RMC1: variants seen among roughly 807,000 people sequenced by gnomAD.
The protein encoded by RMC1 is regulator of MON1-CCZ1 complex.
In RMC1, 44 loss-of-function variants were observed where a neutral mutation model predicts 95.5. That is an observed-to-expected ratio of 0.46 (90% CI 0.36 to 0.59). RMC1 has a LOEUF of 0.59. Ranked by LOEUF, RMC1 falls within the 20% of genes least tolerant of loss-of-function variation. The probability of loss-of-function intolerance (pLI) is 0.00; values close to 1 mark genes in which losing one functional copy is unlikely to be tolerated. For missense variants in RMC1, 705 were observed against 819.6 expected (o/e 0.86, Z 1.71); for synonymous variants, 320 against 303.6 (o/e 1.05, Z -0.56).
chr18:23,526,806 G>C (rs1184592491), intron 13 of RMC1, 41 bp downstream of exon 13: 6 of 1,605,134 alleles, frequency 3.7e-6, no homozygotes, highest in Non-Finnish European at 5.1e-6. Flanking sequence ...TCCAGTGTGA[G>C]GCCTGTGCTG....
Position 23,527,776 on chromosome 18 carries a change from G to C in RMC1, c.1190-19G>C. On this transcript the variant is annotated intron_variant, in intron 13 of 19. Coordinates refer to ENST00000269221, the MANE Select transcript of RMC1 (RefSeq NM_013326.5). Reference sequence around the variant, plus strand: ...CATGAAGTTGGTTTGATCCGTGTGTGAACATTGTGCCTTTCCAGTGTTAAG... The same window carrying C: ...CATGAAGTTGGTTTGATCCGTGTGTCAACATTGTGCCTTTCCAGTGTTAAG... The C allele has an allele frequency of 6.2e-7, 1 of 1,602,940 alleles. No homozygotes were observed. Among genetic ancestry groups the C allele is most frequent in the Non-Finnish European group, 8.5e-7 (1 of 1,169,918 alleles).
chr18:23,508,355 C>T (rs531475417), intron 4 of RMC1, among the ~76,000 whole-genome samples: 2 of 152,304 alleles, frequency 1.3e-5, no homozygotes, highest in African/African-American at 4.8e-5. Flanking sequence ...ACATCTGGGT[C>T]TGGGCCCTGG....
At chr18:23,521,873 G>A (rs781377188) in intron 10 of RMC1, among the ~76,000 whole-genome samples, 5 of 152,098 alleles carry the variant, frequency 3.3e-5, no homozygotes, top group Non-Finnish European at 4.4e-5. Flanking sequence ...CCTGTCCCTC[G>A]CAGCAGTCTC....
chr18:23,513,729 A>T (rs1325857927), intron 5 of RMC1, among the ~76,000 whole-genome samples: 1 of 151,978 alleles, frequency 6.6e-6, no homozygotes, highest in African/African-American at 2.4e-5. Context: ...TTTGTTTTTG[A>T]TACTAGCCAT....
chr18:23,529,152 T>A (rs2058402768), intron 14 of RMC1, 27 bp from the exon 15 acceptor site: 1 of 1,603,644 alleles, frequency 6.2e-7, no homozygotes, highest in Non-Finnish European at 8.5e-7. Flanking sequence ...ATGCCGAAGA[T>A]CATAGTTTGT....
In RMC1 at chr18:23,503,704, A is replaced by G; in HGVS notation, c.86A>G (p.Asp29Gly). 6.3e-7 allele frequency: 1 copy of G among 1,591,238 alleles called. No homozygotes were observed. Among genetic ancestry groups the G allele is most frequent in the South Asian group, 1.1e-5 (1 of 89,316 alleles). ...AACCCTGTCAACTGCGTCTTCTTCG[A>G]TGAGGCCAACAAGCAGGTCCGGCGC... ...KANPVNCVFF[D>G]EANKQVFAVR... The change falls in exon 1 of 20, where the codon GAT becomes GGT. Residue 29 changes from aspartate (D) to glycine (G), a missense_variant. Physicochemically the swap from Asp to Gly is moderately conservative, Grantham distance 94 (BLOSUM62 -1). Transcript: ENST00000269221.
intron 2 of RMC1, 69 bp from the exon 3 acceptor site, chr18:23,506,901 G>A: frequency 3.7e-6 from 4 of 1,078,430 alleles, no homozygotes; most frequent in Non-Finnish European, 5.6e-6. Context: ...TGTGTCTTTT[G>A]CCTTTTCAAT....
intron 2 of RMC1, among the ~76,000 whole-genome samples, chr18:23,505,040 C>G (rs984806757): frequency 1.3e-5 from 2 of 152,030 alleles, no homozygotes; most frequent in Non-Finnish European, 2.9e-5. Context: ...AAAAATTTTA[C>G]TGTTGGTCTG....
rs779225222 is a variant in RMC1 at position 23,509,179 on chromosome 18, A to G, written c.322-14A>G. On this transcript the variant is annotated splice_polypyrimidine_tract_variant and intron_variant, in intron 4 of 19. Coordinates refer to ENST00000269221, the MANE Select transcript of RMC1 (RefSeq NM_013326.5). ...TCTTATTAATTAAAAATATTTTTAA[A>G]AAATTTTTCTTAGACTAAGAATGCC... 1 of 1,256,140 alleles carries G rather than the reference A, an allele frequency of 8.0e-7. No individual in the cohort carries two copies. Among genetic ancestry groups the G allele is most frequent in the Non-Finnish European group, 1.0e-6 (1 of 952,956 alleles). The allele number at this position is 1,256,140 out of a possible 1,614,324, so 77.8% of individuals were successfully genotyped here.
In RMC1 at chr18:23,515,866, A is replaced by C. The variant is rs2057988954; in HGVS notation, c.419A>C (p.Glu140Ala). ...TAAACTCTGCTTCAGGTATTACCAGAGAAACGGAGTCTGAAACTCTTGAAG... is the reference window on the plus strand; with the variant it reads ...TAAACTCTGCTTCAGGTATTACCAGCGAAACGGAGTCTGAAACTCTTGAAG... Reference protein sequence around the residue: ...QGIEFYQVLPEKRSLKLLKSH... With the variant: ...QGIEFYQVLPAKRSLKLLKSH... The change falls in exon 6 of 20, where the codon GAG (glutamate) becomes GCG (alanine). Residue 140 changes from glutamate (E) to alanine (A), a missense_variant. By Grantham distance (107) the Glu-to-Ala change is moderately radical. Transcript: ENST00000269221. The C allele has an allele frequency of 6.2e-7, 1 of 1,613,990 alleles. No individual in the cohort carries two copies. Among genetic ancestry groups the C allele is most frequent in the Admixed American group, 1.7e-5 (1 of 59,978 alleles).
chr18:23,523,543 C>CAAAAAAA (rs374224848), intron 10 of RMC1, among the ~76,000 whole-genome samples: 32 of 76,370 alleles, frequency 4.2e-4, no homozygotes, highest in East Asian at 5.3e-4. Flanking sequence ...CTTGTCTTCA[C>CAAAAAAA]AAAAAAAAAA....
chr18:23,520,194 C>T lies in RMC1; in HGVS notation c.850-8C>T. 1.9e-6 allele frequency: 3 copies of T among 1,608,952 alleles called. No homozygotes were observed. Among genetic ancestry groups the T allele is most frequent in the African/African-American group, 2.7e-5 (2 of 74,868 alleles). ...TTTTGGCCTCAGTCTTGTCTTTTTC[C>T]CCCCCAGACATCGGTAATATTCGAT... On this transcript the variant is annotated splice_region_variant and splice_polypyrimidine_tract_variant and intron_variant, in intron 9 of 19. Coordinates refer to ENST00000269221, the MANE Select transcript of RMC1 (RefSeq NM_013326.5).
At chr18:23,508,951 A>G (rs2057779936) in intron 4 of RMC1, among the ~76,000 whole-genome samples, 2 of 152,202 alleles carry the variant, frequency 1.3e-5, no homozygotes, top group Non-Finnish European at 2.9e-5. Context: ...ACTTTTCTAC[A>G]AAACACAGAC....
At chr18:23,520,088 G>C (rs2058103430) in intron 9 of RMC1, 114 bp from the exon 10 acceptor site, 2 of 744,810 alleles carry the variant, frequency 2.7e-6, no homozygotes, top group Non-Finnish European at 4.7e-6. Context: ...CCTGTAGGGA[G>C]GAAATGCAAA....
chr18:23,523,655 C>T (rs1304175062), intron 10 of RMC1, among the ~76,000 whole-genome samples: 1 of 150,606 alleles, frequency 6.6e-6, no homozygotes, highest in Non-Finnish European at 1.5e-5. Flanking sequence ...CCAAGGAGTT[C>T]GTGGTTATAG....
At position 23,529,925 on chromosome 18, in the gene RMC1, A is replaced by T. The variant is rs898724627; in HGVS notation, c.1495-103A>T. The T allele has an allele frequency of 7.6e-6, 9 of 1,181,156 alleles. No homozygotes were observed. In the East Asian group the frequency reaches 1.9e-4, roughly 25 times the overall value. 73.2% of individuals were successfully genotyped at this position (1,181,156 alleles called of 1,614,324 possible). ...ACGAAACCACTTCTTGTAATGACAG[A>T]CTTTTACTGTGTTGGTTAGAATAGC... is the stretch of plus-strand genomic sequence containing the variant. On this transcript the variant is annotated intron_variant, in intron 16 of 19. Transcript: ENST00000269221.
In RMC1 at chr18:23,529,181, G is replaced by A. The variant is rs34222289; in HGVS notation, c.1299G>A (p.Ala433=). 6.2e-3 allele frequency: 9,959 copies of A among 1,608,516 alleles called. 530 individuals carry two copies. In the African/African-American group the frequency reaches 0.12, roughly 19 times the overall value. ...AGTTTGTGGTTTTTTTCTTTCAGGC[G>A]GTGGAAGCAGGGCAGAGCCGAAGCA... The part of the protein sequence containing the change: ...YLDAEQSYAM[A]VEAGQSRSSP... The change falls in exon 15 of 20, where the codon GCG becomes GCA. Residue 433 remains alanine (A), a splice_region_variant and synonymous_variant. Coordinates refer to ENST00000269221, the MANE Select transcript of RMC1 (RefSeq NM_013326.5).
chr18:23,504,278 G>A, intron 1 of RMC1, 93 bp from the exon 2 acceptor site: 4 of 970,130 alleles, frequency 4.1e-6, no homozygotes, highest in Admixed American at 1.7e-5. Flanking sequence ...AACCCAGGGT[G>A]GTGTATAACA....
intron 7 of RMC1, among the ~76,000 whole-genome samples, chr18:23,518,269 C>T (rs768779964): frequency 1.4e-4 from 22 of 152,136 alleles, no homozygotes; most frequent in Non-Finnish European, 2.2e-4. Flanking sequence ...GCAGGGGGAT[C>T]GCCTTGAGGC....
Sources: gnomAD v4.1 joint callset for allele counts (sites outside exome capture counted in the v4.1 genomes callset) on GRCh38, gnomAD v4.1.1 for gene constraint, MANE v1.5 for transcripts, NCBI Gene and HGNC (gene_info 2026-07-23, HGNC 2026-07-21) for gene names.